The following FGF14 variants were observed in gnomAD, a reference collection of about 807,000 sequenced individuals.
FGF14 encodes the protein fibroblast growth factor homologous factor 4.
A neutral mutation model predicts 25.5 loss-of-function variants in FGF14; 5 were observed. The ratio of observed to expected loss-of-function variants is 0.20; its 90% CI spans 0.10 to 0.41. The LOEUF is 0.41. FGF14 is among the 10% of genes least tolerant of loss of function. The pLI is 1.00. For synonymous variants in FGF14, 138 were observed against 118.3 expected, an observed-to-expected ratio of 1.17 and a Z score of -1.08; for missense variants, 222 against 320.1, an observed-to-expected ratio of 0.69 and a Z score of 2.34.
At chr13:102,063,066 G>T (rs1179507776) in intron 1 of FGF14, among the ~76,000 whole-genome samples, 25 of 152,036 alleles carry the variant, frequency 1.6e-4, no homozygotes, top group Admixed American at 1.6e-3. Context: ...AATAATGAGG[G>T]TTATGAATCT....
chr13:101,746,272 G>A (rs181864941), intron 3 of FGF14, among the ~76,000 whole-genome samples: 136 of 152,028 alleles, frequency 8.9e-4, no homozygotes, highest in African/African-American at 3.1e-3. Flanking sequence ...TATGCTAAGA[G>A]GTTTACCGAG....
intron 1 of FGF14, among the ~76,000 whole-genome samples, chr13:102,251,250 T>C (rs2052156946): frequency 6.6e-6 from 1 of 152,190 alleles, no homozygotes. Flanking sequence ...TCCTGGCTGC[T>C]GACTTCTTAA....
At chr13:101,972,678 T>TC (rs1025878959) in intron 1 of FGF14, among the ~76,000 whole-genome samples, 3 of 152,312 alleles carry the variant, frequency 2.0e-5, no homozygotes, top group African/African-American at 4.8e-5. Context: ...TCTTTTTTTT[T>TC]CTCCCTTTTT....
At chr13:102,082,236 GAA>G (rs757564981) in intron 1 of FGF14, among the ~76,000 whole-genome samples, 9 of 115,758 alleles carry the variant, frequency 7.8e-5, no homozygotes, top group African/African-American at 9.2e-5. Flanking sequence ...GGGGCTTAAG[GAA>G]AAAAAAAAAA....
intron 1 of FGF14, among the ~76,000 whole-genome samples, chr13:102,189,008 G>GAAAGAA (rs748649769): frequency 2.8e-5 from 2 of 70,348 alleles, no homozygotes; most frequent in Non-Finnish European, 5.6e-5. Context: ...AAGAAAGAAA[G>GAAAGAA]AGAAAGAATG....
At chr13:101,975,712 T>C (rs2037880905) in intron 1 of FGF14, among the ~76,000 whole-genome samples, 1 of 152,202 alleles carries the variant, frequency 6.6e-6, no homozygotes, top group Admixed American at 6.5e-5. Context: ...TCTTGGCCTC[T>C]TTTTACAGCA....
intron 1 of FGF14, among the ~76,000 whole-genome samples, chr13:101,956,381 A>G (rs1255937861): frequency 2.6e-5 from 4 of 152,244 alleles, no homozygotes; most frequent in African/African-American, 9.6e-5. Context: ...ATAGTGGTGA[A>G]TAATTTTTAA....
At chr13:102,125,744 T>C (rs1294754699) in intron 1 of FGF14, among the ~76,000 whole-genome samples, 3 of 152,280 alleles carry the variant, frequency 2.0e-5, no homozygotes, top group African/African-American at 7.2e-5. Context: ...ATTTGAACTG[T>C]TTCTTTTTAA....
intron 1 of FGF14, among the ~76,000 whole-genome samples, chr13:102,076,406 T>C (rs535238363): frequency 6.6e-6 from 1 of 152,354 alleles, no homozygotes; most frequent in East Asian, 1.9e-4. Context: ...CAATAGGCTA[T>C]GCCACATAGC....
At chr13:101,971,638 C>T (rs936674302) in intron 1 of FGF14, among the ~76,000 whole-genome samples, 1 of 152,162 alleles carries the variant, frequency 6.6e-6, no homozygotes, top group African/African-American at 2.4e-5. Flanking sequence ...TCCCAATATA[C>T]TGGGATTATA....
chr13:102,090,941 TTC>T (rs2044137894), intron 1 of FGF14, among the ~76,000 whole-genome samples: 1 of 152,252 alleles, frequency 6.6e-6, no homozygotes. Flanking sequence ...TGGCTCTCAG[TTC>T]TATCATATTT....
chr13:102,118,877 C>T (rs1288551530), intron 1 of FGF14, among the ~76,000 whole-genome samples: 2 of 151,970 alleles, frequency 1.3e-5, no homozygotes, highest in African/African-American at 4.8e-5. Context: ...ACAATTCTTA[C>T]TCTGAAAAAA....
At chr13:102,341,565 G>C (rs1445041707) in intron 1 of FGF14, among the ~76,000 whole-genome samples, 1 of 152,080 alleles carries the variant, frequency 6.6e-6, no homozygotes, top group Non-Finnish European at 1.5e-5. Flanking sequence ...CATCCCTATT[G>C]TGAGCTCAAA....
intron 1 of FGF14, among the ~76,000 whole-genome samples, chr13:102,208,022 T>G (rs1040971317): frequency 2.0e-5 from 3 of 152,210 alleles, no homozygotes; most frequent in African/African-American, 7.2e-5. Flanking sequence ...GGACTCTCAC[T>G]TCATTAAAAC....
At chr13:101,912,756 G>A (rs999694466) in intron 1 of FGF14, among the ~76,000 whole-genome samples, 3 of 151,908 alleles carry the variant, frequency 2.0e-5, no homozygotes, top group Admixed American at 2.0e-4. Context: ...AAGTAAAAAA[G>A]GTATAAAATT....
intron 1 of FGF14, among the ~76,000 whole-genome samples, chr13:102,183,332 C>T (rs1322016961): frequency 6.6e-6 from 1 of 151,970 alleles, no homozygotes; most frequent in African/African-American, 2.4e-5. Flanking sequence ...ATCTTAATCA[C>T]AACACTTGCA....
rs116118096 is a variant in FGF14, at chr13:102,374,441, G to A, written c.208+27030C>T. Among the ~76,000 whole-genome samples, 789 of 151,562 alleles carry A rather than the reference G, an allele frequency of 5.2e-3. 5 individuals carry two copies. Among genetic ancestry groups the A allele is most frequent in the African/African-American group, 0.018 (750 of 41,354 alleles). ...AATGGTTGTACTACAAAAGTAAGGG[G>A]AGTATGTTTGCAGTCTAAGTGCATG... On this transcript the variant is annotated intron_variant, in intron 1 of 4. Coordinates refer to the FGF14 transcript ENST00000376131.
intron 3 of FGF14, among the ~76,000 whole-genome samples, chr13:101,838,134 T>C (rs1338931347): frequency 6.6e-6 from 1 of 152,026 alleles, no homozygotes; most frequent in Non-Finnish European, 1.5e-5. Context: ...TGAGTCAATA[T>C]TGCTTAATAT....
At chr13:102,286,034 T>C (rs1028246932) in intron 1 of FGF14, among the ~76,000 whole-genome samples, 2 of 152,194 alleles carry the variant, frequency 1.3e-5, no homozygotes, top group Non-Finnish European at 2.9e-5. Context: ...GAACCATTGG[T>C]CTGAGACTCC....
Sources: gnomAD v4.1 joint callset for allele counts (sites outside exome capture counted in the v4.1 genomes callset) on GRCh38, gnomAD v4.1.1 for gene constraint, MANE v1.5 for transcripts, NCBI Gene and HGNC (gene_info 2026-07-23, HGNC 2026-07-21) for gene names.